The following MAN1C1 variants were observed in gnomAD, a reference collection of about 807,000 sequenced individuals.
The protein encoded by MAN1C1 is mannosyl-oligosaccharide 1,2-alpha-mannosidase IC.
A neutral mutation model predicts 71.5 loss-of-function variants in MAN1C1; 49 were observed. That is an observed-to-expected ratio of 0.69 (90% CI 0.54 to 0.87). The LOEUF is 0.87. Among genes scored for constraint, MAN1C1 ranks in the 40% least tolerant of loss-of-function variants. The pLI, the probability that MAN1C1 is intolerant of heterozygous loss-of-function variation, is 0.00. For synonymous variants in MAN1C1, 352 were observed against 343.7 expected, an observed-to-expected ratio of 1.02 and a Z score of -0.27; for missense variants, 743 against 835.0, an observed-to-expected ratio of 0.89 and a Z score of 1.36.
chr1:25,745,711 C>T (rs2124335164), intron 2 of MAN1C1, among the ~76,000 whole-genome samples: 1 of 152,268 alleles, frequency 6.6e-6, no homozygotes, highest in South Asian at 2.1e-4. Flanking sequence ...ATTTTTGGGC[C>T]AGGTGCAGTG....
intron 2 of MAN1C1, among the ~76,000 whole-genome samples, chr1:25,724,577 C>T (rs374854404): frequency 6.6e-5 from 10 of 152,094 alleles, no homozygotes; most frequent in African/African-American, 2.2e-4. Flanking sequence ...GTTAGCCACA[C>T]GTGTCTGAGC....
chr1:25,627,019 T>G (rs867867828), intron 1 of MAN1C1, among the ~76,000 whole-genome samples: 1 of 152,328 alleles, frequency 6.6e-6, no homozygotes. Flanking sequence ...GTATTTACAT[T>G]TAGGTCTTTC....
At chr1:25,673,186 C>T (rs112196953) in intron 1 of MAN1C1, among the ~76,000 whole-genome samples, 11 of 152,212 alleles carry the variant, frequency 7.2e-5, no homozygotes, top group African/African-American at 2.4e-4. Context: ...CGCTGTCTCC[C>T]GATGCAGGGA....
chr1:25,754,253 C>A (rs1157211612), intron 5 of MAN1C1, among the ~76,000 whole-genome samples: 1 of 152,194 alleles, frequency 6.6e-6, no homozygotes, highest in Non-Finnish European at 1.5e-5. Context: ...CCCATCCCAT[C>A]TCCTGAAGTG....
Position 25,753,602 on chromosome 1 carries a change from C to A in MAN1C1, c.929+24C>A. 1 of 1,601,460 alleles carries A rather than the reference C, an allele frequency of 6.2e-7. No individual in the cohort carries two copies. Among genetic ancestry groups the A allele is most frequent in the Non-Finnish European group, 8.5e-7 (1 of 1,169,920 alleles). ...AGGTAGGGCGCCATCGCGTTCCCCA[C>A]TGGGGCTTTACTGCGACCATGCCCA... On this transcript the variant is annotated intron_variant, in intron 5 of 11. Coordinates refer to ENST00000374332, the MANE Select transcript of MAN1C1 (RefSeq NM_020379.4). The surrounding 1 kb of genome is among the most constrained non-coding windows in gnomAD (Gnocchi z 4.9).
At chr1:25,768,284 T>C (rs1451710448) in intron 7 of MAN1C1, among the ~76,000 whole-genome samples, 2 of 14,180 alleles carry the variant, frequency 1.4e-4, no homozygotes, top group Non-Finnish European at 1.3e-4. Flanking sequence ...ACATCCACAC[T>C]CCCCTCACAC....
intron 2 of MAN1C1, among the ~76,000 whole-genome samples, chr1:25,734,739 C>G (rs762993519): frequency 6.6e-6 from 1 of 152,218 alleles, no homozygotes; most frequent in Non-Finnish European, 1.5e-5. Flanking sequence ...CCCAAAGGCA[C>G]CTTGACCCTG....
chr1:25,623,605 G>A (rs1456304311), intron 1 of MAN1C1, among the ~76,000 whole-genome samples: 1 of 152,150 alleles, frequency 6.6e-6, no homozygotes, highest in African/African-American at 2.4e-5. Context: ...GGCATACTTT[G>A]CTCAAAGGGA....
At chr1:25,713,786 T>C (rs2046644322) in intron 2 of MAN1C1, among the ~76,000 whole-genome samples, 1 of 152,174 alleles carries the variant, frequency 6.6e-6, no homozygotes, top group South Asian at 2.1e-4. Context: ...GGAGAAGGCA[T>C]TCCTTGGGCT....
chr1:25,647,783 G>T (rs953076122), intron 1 of MAN1C1, among the ~76,000 whole-genome samples: 3 of 152,200 alleles, frequency 2.0e-5, no homozygotes, highest in Admixed American at 6.5e-5. Flanking sequence ...GGGATGAGGG[G>T]TACAGACAGA....
intron 2 of MAN1C1, among the ~76,000 whole-genome samples, chr1:25,713,136 C>G (rs532877396): frequency 1.6e-4 from 24 of 151,998 alleles, no homozygotes; most frequent in Middle Eastern, 6.8e-3. Flanking sequence ...AAACTGAGGT[C>G]ATTACAGATG....
chr1:25,651,083 A>G (rs1218017712), intron 1 of MAN1C1, among the ~76,000 whole-genome samples: 1 of 152,152 alleles, frequency 6.6e-6, no homozygotes, highest in East Asian at 1.9e-4. Flanking sequence ...CCACTGGGTG[A>G]ACACTCACAA....
At chr1:25,685,196 A>G (rs190500468) in intron 1 of MAN1C1, among the ~76,000 whole-genome samples, 36 of 152,376 alleles carry the variant, frequency 2.4e-4, no homozygotes, top group Admixed American at 3.9e-4. Context: ...GGATGGTGGC[A>G]AGGCCTGCCT....
At chr1:25,671,243 G>T (rs1478050709) in intron 1 of MAN1C1, among the ~76,000 whole-genome samples, 1 of 152,192 alleles carries the variant, frequency 6.6e-6, no homozygotes, top group Non-Finnish European at 1.5e-5. Context: ...ATTGCTTCAT[G>T]TTGTAAAATA....
chr1:25,762,231 A>G (rs778450242), intron 6 of MAN1C1, among the ~76,000 whole-genome samples: 8 of 149,702 alleles, frequency 5.3e-5, no homozygotes, highest in Non-Finnish European at 1.2e-4. Context: ...GACTTAAACA[A>G]TCCTCCCACC....
chr1:25,736,638 C>T (rs1306958609), intron 2 of MAN1C1, among the ~76,000 whole-genome samples: 1 of 152,082 alleles, frequency 6.6e-6, no homozygotes, highest in African/African-American at 2.4e-5. Flanking sequence ...GCAATCTTCC[C>T]ACCTCAGCCT....
At chr1:25,723,838 T>A (rs1177421628) in intron 2 of MAN1C1, among the ~76,000 whole-genome samples, 1 of 152,116 alleles carries the variant, frequency 6.6e-6, no homozygotes, top group Non-Finnish European at 1.5e-5. Flanking sequence ...AAGTGGTGCT[T>A]GGACTAAAGG....
intron 2 of MAN1C1, among the ~76,000 whole-genome samples, chr1:25,736,539 G>T (rs2046985037): frequency 6.6e-6 from 1 of 152,040 alleles, no homozygotes; most frequent in Non-Finnish European, 1.5e-5. Context: ...TTTAATTTTT[G>T]TTTTTGCAGC....
At position 25,730,300 on chromosome 1, in the gene MAN1C1, A is replaced by G. The variant is rs952136861; in HGVS notation, c.638-16368A>G. On this transcript the variant is annotated intron_variant, in intron 2 of 11. Coordinates refer to ENST00000374332, the MANE Select transcript of MAN1C1 (RefSeq NM_020379.4). This position sits in a 1 kb window ranked among gnomAD's most constrained non-coding sequence, Gnocchi z 4.3. The stretch of plus-strand genomic sequence containing the variant: ...AGGCAGAGACTGGCCTTCTCCACGC[A>G]TGATTAAGCACGATGGCTTTTTAAT... Among the ~76,000 whole-genome samples, 1 of 152,206 alleles carries G rather than the reference A, an allele frequency of 6.6e-6. No individual in the cohort carries two copies. The highest frequency in any genetic ancestry group is 2.4e-5 in the African/African-American group (1 of 41,446).
Sources: allele counts gnomAD v4.1 joint callset (sites outside exome capture counted in the v4.1 genomes callset), GRCh38; gene constraint gnomAD v4.1.1; non-coding constraint Gnocchi (gnomAD v3.1); transcripts MANE v1.5; gene names NCBI Gene and HGNC (gene_info 2026-07-23, HGNC 2026-07-21).